GRIA1: variants seen among roughly 807,000 people sequenced by gnomAD.
The protein encoded by GRIA1 is glutamate receptor 1.
A neutral mutation model predicts 99.2 loss-of-function variants in GRIA1; 31 were observed. The observed-to-expected ratio is 0.31, with a 90% CI of 0.23 to 0.42. GRIA1 has a LOEUF of 0.42. Ranked by LOEUF, GRIA1 falls within the 10% of genes least tolerant of loss-of-function variation. The pLI is 1.00. For missense variants in GRIA1, 782 were observed against 1,157.5 expected, an observed-to-expected ratio of 0.68 and a Z score of 4.71; for synonymous variants, 438 against 432.4, an observed-to-expected ratio of 1.01 and a Z score of -0.16.
chr5:153,521,241 C>T (rs945009067), intron 2 of GRIA1, among the ~76,000 whole-genome samples: 8 of 152,112 alleles, frequency 5.3e-5, no homozygotes, highest in Admixed American at 1.3e-4. Flanking sequence ...GGACAGTGGA[C>T]CAAGGTTTAA....
At chr5:153,733,659 A>G (rs952317951) in intron 11 of GRIA1, among the ~76,000 whole-genome samples, 2 of 152,190 alleles carry the variant, frequency 1.3e-5, no homozygotes, top group African/African-American at 4.8e-5. Flanking sequence ...AAGCAATTGT[A>G]TAGAAAAAGA....
intron 4 of GRIA1, among the ~76,000 whole-genome samples, chr5:153,652,179 A>G (rs1363676): frequency 0.41 from 61,674 of 152,042 alleles, 13,200 homozygotes; most frequent in Non-Finnish European, 0.45. Flanking sequence ...AAGTGAATCC[A>G]TCTGTAAAAT....
intron 11 of GRIA1, among the ~76,000 whole-genome samples, chr5:153,706,385 G>A (rs1377834641): frequency 6.6e-6 from 1 of 152,164 alleles, no homozygotes; most frequent in Non-Finnish European, 1.5e-5. Flanking sequence ...TAACACTTAT[G>A]GAGCACCTAC....
At chr5:153,764,185 G>A (rs1472438299) in intron 11 of GRIA1, among the ~76,000 whole-genome samples, 1 of 152,186 alleles carries the variant, frequency 6.6e-6, no homozygotes, top group Non-Finnish European at 1.5e-5. Flanking sequence ...AAAAGGGAGT[G>A]TGAATACGTG....
At position 153,680,163 on chromosome 5, in the gene GRIA1, G is replaced by T. The variant is rs1018712283; in HGVS notation, c.1029+3002G>T. Among the ~76,000 whole-genome samples, 18 of 152,218 alleles carry T rather than the reference G, an allele frequency of 1.2e-4. No homozygotes were observed. The East Asian group carries it at 3.5e-3, about 30-fold the overall frequency. On this transcript the variant is annotated intron_variant, in intron 7 of 15. Transcript: ENST00000285900. Reference sequence around the variant, plus strand: ...AACCTCAAGGGCACGGCCAAACAGGGAAGACACAAGAGCTATGGCCCAGCC... The same window carrying T: ...AACCTCAAGGGCACGGCCAAACAGGTAAGACACAAGAGCTATGGCCCAGCC...
At chr5:153,495,335 A>G (rs1027272324) in intron 2 of GRIA1, among the ~76,000 whole-genome samples, 6 of 152,198 alleles carry the variant, frequency 3.9e-5, no homozygotes, top group Non-Finnish European at 8.8e-5. Flanking sequence ...GCAGAGTACT[A>G]GACATTATCT....
At chr5:153,733,081 A>G (rs1168528035) in intron 11 of GRIA1, among the ~76,000 whole-genome samples, 1 of 151,784 alleles carries the variant, frequency 6.6e-6, no homozygotes, top group East Asian at 1.9e-4. Context: ...CTAAAAGATA[A>G]AAGTACCAAA....
chr5:153,693,901 A>G (rs528034614), intron 8 of GRIA1, among the ~76,000 whole-genome samples: 16 of 152,314 alleles, frequency 1.1e-4, no homozygotes, highest in Non-Finnish European at 1.8e-4. Context: ...CTGTTCAAAA[A>G]TCTTTGCCAG....
chr5:153,719,491 G>A lies in GRIA1; in HGVS notation c.1823+13424G>A, dbSNP rs371279184. On this transcript the variant is annotated intron_variant, in intron 11 of 15. Coordinates refer to ENST00000285900, the MANE Select transcript of GRIA1 (RefSeq NM_000827.4). ...TCTGAGGGCTTACTCCCTCCTTTAC[G>A]TGTCTGGCAGCCGAGGCTTTTGGCC... is the stretch of plus-strand genomic sequence containing the variant. 8.2e-4 allele frequency among the ~76,000 whole-genome samples: 125 copies of A among 152,030 alleles called. 3 individuals carry two copies. In the South Asian group the frequency reaches 0.023, roughly 28 times the overall value.
At chr5:153,513,352 A>G (rs1005091484) in intron 2 of GRIA1, among the ~76,000 whole-genome samples, 3 of 152,092 alleles carry the variant, frequency 2.0e-5, no homozygotes, top group African/African-American at 4.8e-5. Flanking sequence ...TCACTAGACC[A>G]AGAAAATATG....
At chr5:153,604,079 A>G (rs926394679) in intron 2 of GRIA1, among the ~76,000 whole-genome samples, 2 of 152,172 alleles carry the variant, frequency 1.3e-5, no homozygotes, top group Non-Finnish European at 2.9e-5. Flanking sequence ...TTACTATCAT[A>G]CACAGCAATA....
intron 5 of GRIA1, among the ~76,000 whole-genome samples, chr5:153,660,603 A>G (rs974628516): frequency 1.6e-4 from 24 of 152,218 alleles, no homozygotes; most frequent in African/African-American, 5.8e-4. Context: ...CAGTAGCAGC[A>G]ATAGATCTGA....
chr5:153,650,422 T>C lies in GRIA1; in HGVS notation c.553T>C (p.Tyr185His). 6.2e-7 allele frequency: 1 copy of C among 1,614,032 alleles called. No homozygotes were observed. The highest frequency in any genetic ancestry group is 8.5e-7 in the Non-Finnish European group (1 of 1,179,940). Reference protein sequence around the residue: ...VNILTTTEEGYRMLFQDLEKK... With the variant: ...VNILTTTEEGHRMLFQDLEKK... ...CATTTTGACAACCACAGAGGAGGGA[T>C]ACCGGATGCTCTTTCAGGACCTGGA... Residue 185 changes from tyrosine to histidine, a missense_variant, in exon 4 of 16, where the codon TAC becomes CAC. Transcript: ENST00000285900.
At chr5:153,670,070 C>T (rs1233263584) in intron 5 of GRIA1, among the ~76,000 whole-genome samples, 1 of 152,170 alleles carries the variant, frequency 6.6e-6, no homozygotes, top group African/African-American at 2.4e-5. Flanking sequence ...GCAAAAGTGC[C>T]TCAAGGTATT....
chr5:153,543,809 G>T (rs1759356964), intron 2 of GRIA1, among the ~76,000 whole-genome samples: 1 of 152,110 alleles, frequency 6.6e-6, no homozygotes, highest in Non-Finnish European at 1.5e-5. Flanking sequence ...TAGATATTTG[G>T]TTTTCTGTTT....
chr5:153,537,875 A>C lies in GRIA1; in HGVS notation c.220+43810A>C, dbSNP rs377500903. Reference sequence around the variant, plus strand: ...TTTTAATAACCACTGGAAAACTAAGACTTGTTTAATAGAGTCTCAGCCAAC... The same window carrying C: ...TTTTAATAACCACTGGAAAACTAAGCCTTGTTTAATAGAGTCTCAGCCAAC... On this transcript the variant is annotated intron_variant, in intron 2 of 15. Transcript: ENST00000285900. Among the ~76,000 whole-genome samples, 20 of 152,188 alleles carry C rather than the reference A, an allele frequency of 1.3e-4. No homozygotes were observed. In the East Asian group the frequency reaches 1.5e-3, roughly 12 times the overall value.
At chr5:153,523,424 A>G (rs1163637975) in intron 2 of GRIA1, among the ~76,000 whole-genome samples, 1 of 152,030 alleles carries the variant, frequency 6.6e-6, no homozygotes, top group East Asian at 1.9e-4. Context: ...GCCTGAAATG[A>G]TTTCATTCAG....
intron 2 of GRIA1, among the ~76,000 whole-genome samples, chr5:153,515,114 A>G (rs149761251): frequency 3.9e-5 from 6 of 152,332 alleles, no homozygotes; most frequent in Non-Finnish European, 7.4e-5. Context: ...GTAAACATCT[A>G]AAGTTCTGGG....
chr5:153,502,963 A>C (rs1377368090), intron 2 of GRIA1, among the ~76,000 whole-genome samples: 2 of 152,314 alleles, frequency 1.3e-5, no homozygotes, highest in South Asian at 2.1e-4. Context: ...TTAAACATTA[A>C]TAGATTTATC....
Sources: allele counts gnomAD v4.1 joint callset (sites outside exome capture counted in the v4.1 genomes callset), GRCh38; gene constraint gnomAD v4.1.1; transcripts MANE v1.5; gene names NCBI Gene and HGNC (gene_info 2026-07-23, HGNC 2026-07-21).